Variants in CFAP54 observed in about 807,000 individuals in gnomAD.
The protein encoded by CFAP54 is cilia and flagella associated protein 54, also known as cilia- and flagella-associated protein 54.
In CFAP54, 290 loss-of-function variants were observed where a neutral mutation model predicts 370.4. The ratio of observed to expected loss-of-function variants is 0.78; its 90% CI spans 0.71 to 0.86. CFAP54 has a LOEUF of 0.86. CFAP54 is among the 40% of genes least tolerant of loss of function. The pLI, the probability that CFAP54 is intolerant of heterozygous loss-of-function variation, is 0.00. For synonymous variants in CFAP54, 1,206 were observed against 1,236.5 expected, an observed-to-expected ratio of 0.98 and a Z score of 0.52; for missense variants, 3,399 against 3,528.7, an observed-to-expected ratio of 0.96 and a Z score of 0.93.
intron 19 of CFAP54, chr12:96,572,878 A>T: frequency 1.0e-6 from 1 of 985,444 alleles, no homozygotes; most frequent in South Asian, 4.7e-5. Context: ...CCATGGCAGA[A>T]CACAGAAAGT....
At chr12:96,740,152 A>G (rs879863129) in intron 51 of CFAP54, 91 bp downstream of exon 51, 1 of 735,718 alleles carries the variant, frequency 1.4e-6, no homozygotes, top group Non-Finnish European at 2.3e-6. Flanking sequence ...AGATGAAGCA[A>G]AGGAGTAAAG....
chr12:96,786,487 T>C (rs1958630066), intron 61 of CFAP54, among the ~76,000 whole-genome samples, 188 bp from the exon 62 acceptor site: 1 of 152,174 alleles, frequency 6.6e-6, no homozygotes, highest in South Asian at 2.1e-4. Context: ...GGCCTGAAAT[T>C]TTGTTTCCTT....
At chr12:96,752,042 T>TC (rs892237796) in intron 55 of CFAP54, among the ~76,000 whole-genome samples, 2 of 143,742 alleles carry the variant, frequency 1.4e-5, no homozygotes, top group African/African-American at 5.1e-5. Flanking sequence ...TGTGCTGCCA[T>TC]CCCGCCTGGT....
chr12:96,753,685 C>G, intron 55 of CFAP54, 58 bp from the exon 56 acceptor site: 1 of 1,535,288 alleles, frequency 6.5e-7, no homozygotes, highest in Non-Finnish European at 8.9e-7. Flanking sequence ...AACTTGGAGG[C>G]TTGTTATAAA....
At chr12:96,721,999 C>T (rs561625032) in intron 50 of CFAP54, among the ~76,000 whole-genome samples, 1 of 152,268 alleles carries the variant, frequency 6.6e-6, no homozygotes, top group African/African-American at 2.4e-5. Flanking sequence ...CAAGCCCGAC[C>T]ACTGTCCTTC....
At chr12:96,727,379 A>G (rs1479834016) in intron 50 of CFAP54, among the ~76,000 whole-genome samples, 2 of 149,754 alleles carry the variant, frequency 1.3e-5, no homozygotes, top group Non-Finnish European at 2.9e-5. Flanking sequence ...GTGCATATAT[A>G]TTTAGGATAG....
rs1048957430 is a variant in CFAP54, at chr12:96,489,584, C to T, written c.-26C>T. On this transcript the variant is annotated 5_prime_UTR_variant, in exon 1 of 68. Coordinates refer to ENST00000524981, the MANE Select transcript of CFAP54 (RefSeq NM_001306084.2). ...CGCCAGGCAACCGCGTGTACACATA[C>T]TCCAGGCGGGCCGGGGCGCGTCAAT... 1 of 1,495,788 alleles carries T rather than the reference C, an allele frequency of 6.7e-7. No individual in the cohort carries two copies. Among genetic ancestry groups the T allele is most frequent in the Non-Finnish European group, 8.9e-7 (1 of 1,123,126 alleles). The allele number at this position is 1,495,788 out of a possible 1,614,324, so 92.7% of individuals were successfully genotyped here. A position where few individuals can be genotyped will look rare whatever the true frequency, so the allele number is the denominator to read the frequency against.
At chr12:96,533,312 A>G (rs573563059) in intron 9 of CFAP54, among the ~76,000 whole-genome samples, 1 of 151,460 alleles carries the variant, frequency 6.6e-6, no homozygotes, top group East Asian at 2.0e-4. Context: ...ACTGTTGAGT[A>G]CTCCTTTCTT....
intron 32 of CFAP54, among the ~76,000 whole-genome samples, chr12:96,632,944 A>G (rs923907661): frequency 6.6e-6 from 1 of 152,250 alleles, no homozygotes; most frequent in East Asian, 1.9e-4. Context: ...ACCGCGTTAT[A>G]TATCTTTTGT....
At chr12:96,751,974 T>C (rs566723331) in intron 55 of CFAP54, among the ~76,000 whole-genome samples, 1 of 152,090 alleles carries the variant, frequency 6.6e-6, no homozygotes, top group East Asian at 1.9e-4. Flanking sequence ...AGCAACGGCT[T>C]TTCCTCTCCA....
Position 96,489,617 on chromosome 12 carries a change from C to G in CFAP54, c.8C>G (p.Ala3Gly). The change falls in exon 1 of 68, where the codon GCG becomes GGG. Residue 3 changes from alanine to glycine, a missense_variant. Ala to Gly is a moderately conservative substitution (Grantham distance 60, BLOSUM62 0). Around this residue, in one of 3 missense-constraint regions of CFAP54, gnomAD observed 559 missense variants for 576.7 expected, o/e 0.97. Transcript: ENST00000524981. Reference sequence around the variant, plus strand: ...GGGCCGGGGCGCGTCAATATGGCGGCGCAGGGCTCCCCCTCGAGCTCTCCG... The same window carrying G: ...GGGCCGGGGCGCGTCAATATGGCGGGGCAGGGCTCCCCCTCGAGCTCTCCG... The part of the protein sequence containing the change: MA[A>G]QGSPSSSPSD... The G allele has an allele frequency of 3.3e-6, 5 of 1,518,502 alleles. No homozygotes were observed. The highest frequency in any genetic ancestry group is 4.4e-6 in the Non-Finnish European group (5 of 1,134,330). 94.1% of individuals were successfully genotyped at this position (1,518,502 alleles called of 1,614,324 possible). A position where few individuals can be genotyped will look rare whatever the true frequency, so the allele number is the denominator to read the frequency against.
intron 6 of CFAP54, among the ~76,000 whole-genome samples, chr12:96,519,880 T>G (rs1296510450): frequency 1.3e-5 from 2 of 152,242 alleles, no homozygotes; most frequent in African/African-American, 4.8e-5. Flanking sequence ...AAAACTTCTA[T>G]CTGTTGTCTT....
chr12:96,707,395 A>G (rs1957558394), intron 47 of CFAP54, among the ~76,000 whole-genome samples: 1 of 152,144 alleles, frequency 6.6e-6, no homozygotes, highest in Admixed American at 6.5e-5. Flanking sequence ...CTGATAATTG[A>G]CCATTAGATT....
intron 50 of CFAP54, among the ~76,000 whole-genome samples, chr12:96,729,688 C>T (rs2136624973): frequency 6.6e-6 from 1 of 152,350 alleles, no homozygotes; most frequent in East Asian, 1.9e-4. Flanking sequence ...CGGCGCGCTG[C>T]ACCCACTGTC....
chr12:96,649,377 A>G (rs979128505), intron 34 of CFAP54, among the ~76,000 whole-genome samples: 45 of 152,074 alleles, frequency 3.0e-4, no homozygotes, highest in African/African-American at 1.1e-3. Flanking sequence ...TGGCAATAGA[A>G]TATTTTGCTA....
At chr12:96,871,704 G>A (rs1163613416) in intron 67 of CFAP54, among the ~76,000 whole-genome samples, 1 of 151,966 alleles carries the variant, frequency 6.6e-6, no homozygotes, top group African/African-American at 2.4e-5. Context: ...GGATACATAT[G>A]GAAATGGAAA....
At chr12:96,512,904 C>T (rs536910199) in intron 4 of CFAP54, 82 bp from the exon 5 acceptor site, 3 of 853,498 alleles carry the variant, frequency 3.5e-6, no homozygotes, top group Admixed American at 2.6e-5. Flanking sequence ...TTGGGAACTA[C>T]AGACTTGAAC....
chr12:96,541,258 CTCTT>C (rs1955565374), intron 14 of CFAP54, among the ~76,000 whole-genome samples: 1 of 150,776 alleles, frequency 6.6e-6, no homozygotes, highest in Non-Finnish European at 1.5e-5. Flanking sequence ...TTAGTCCCTT[CTCTT>C]TCTTTCTTTT....
chr12:96,544,348 G>A (rs1384071164), intron 14 of CFAP54, among the ~76,000 whole-genome samples: 5 of 152,068 alleles, frequency 3.3e-5, no homozygotes, highest in African/African-American at 1.2e-4. Context: ...AAGTGAAAGA[G>A]AGTCTTTTGT....
Sources: allele counts gnomAD v4.1 joint callset (sites outside exome capture counted in the v4.1 genomes callset), GRCh38; gene constraint gnomAD v4.1.1; regional missense constraint gnomAD v4.1.1; transcripts MANE v1.5; gene names NCBI Gene and HGNC (gene_info 2026-07-23, HGNC 2026-07-21).